The following MAU2 variants were observed in gnomAD, a reference collection of about 807,000 sequenced individuals.
MAU2 encodes the protein MAU2 sister chromatid cohesion factor.
In MAU2, 9 loss-of-function variants were observed where a neutral mutation model predicts 89.1. That is an observed-to-expected ratio of 0.10 (90% CI 0.06 to 0.18). The LOEUF is 0.18. Among genes scored for constraint, MAU2 ranks in the 10% least tolerant of loss-of-function variants. MAU2 has a pLI of 1.00. For missense variants in MAU2, 425 were observed against 803.5 expected (o/e 0.53, Z 5.69); for synonymous variants, 357 against 343.4 (o/e 1.04, Z -0.44).
intron 1 of MAU2, among the ~76,000 whole-genome samples, chr19:19,329,697 G>T (rs2061539195): frequency 6.6e-6 from 1 of 152,068 alleles, no homozygotes; most frequent in South Asian, 2.1e-4. Flanking sequence ...TTTTGAGCCA[G>T]GCATGGTGGC....
chr19:19,342,718 C>G, intron 8 of MAU2, 37 bp downstream of exon 8: 1 of 1,612,722 alleles, frequency 6.2e-7, no homozygotes, highest in Non-Finnish European at 8.5e-7. Flanking sequence ...GGGCTGGGGG[C>G]GGGGGCAGGG....
intron 1 of MAU2, chr19:19,334,437 C>G (rs556403695): frequency 2.0e-6 from 2 of 985,724 alleles, no homozygotes; most frequent in South Asian, 9.4e-5. Context: ...CTGTGCTTTC[C>G]CAGTGCCTGT....
In MAU2 at chr19:19,355,941, G is replaced by A. The variant is rs2048173427; in HGVS notation, c.*159G>A. The A allele has an allele frequency of 1.3e-6, 1 of 764,114 alleles. No homozygotes were observed. The highest frequency in any genetic ancestry group is 1.7e-5 in the African/African-American group (1 of 58,386). 47.3% of individuals were successfully genotyped at this position (764,114 alleles called of 1,614,324 possible). ...GGGCCAGTCCCTGCCCTCCCAGGAG[G>A]GGTGGTAGCCGTTCCCACCTCGCAG... On this transcript the variant is annotated 3_prime_UTR_variant, in exon 19 of 19. Transcript: ENST00000262815.
chr19:19,324,087 C>T (rs1057088855), intron 1 of MAU2, among the ~76,000 whole-genome samples: 1 of 152,144 alleles, frequency 6.6e-6, no homozygotes, highest in Non-Finnish European at 1.5e-5. Flanking sequence ...CCACGTAAGC[C>T]TAGGTTTTCA....
chr19:19,346,141 C>T (rs2061691341), intron 12 of MAU2, among the ~76,000 whole-genome samples: 1 of 152,158 alleles, frequency 6.6e-6, no homozygotes, highest in Non-Finnish European at 1.5e-5. Flanking sequence ...GCTGCCACCC[C>T]CGCCACTGGC....
intron 1 of MAU2, among the ~76,000 whole-genome samples, chr19:19,327,299 TTGTA>T (rs1288349928): frequency 7.2e-6 from 1 of 137,970 alleles, no homozygotes; most frequent in Non-Finnish European, 1.5e-5. Flanking sequence ...TTTTTTCTAC[TTGTA>T]TTTATTTATT....
intron 5 of MAU2, among the ~76,000 whole-genome samples, chr19:19,340,190 A>T (rs1192651002): frequency 7.2e-6 from 1 of 138,196 alleles, no homozygotes; most frequent in Non-Finnish European, 1.6e-5. Flanking sequence ...AAAATTAACC[A>T]GGCATGGTGC....
In MAU2 at chr19:19,355,807, C is replaced by G; in HGVS notation, c.*25C>G. 1 of 1,597,200 alleles carries G rather than the reference C, an allele frequency of 6.3e-7. No individual in the cohort carries two copies. The highest frequency in any genetic ancestry group is 1.3e-5 in the African/African-American group (1 of 74,952). The stretch of plus-strand genomic sequence containing the variant: ...AGGCCTTGATGGGGCCATCCAGCTC[C>G]GCAGGGCCTGCGCGTCTCCGGCTTC... On this transcript the variant is annotated 3_prime_UTR_variant, in exon 19 of 19. Transcript: ENST00000262815.
chr19:19,333,350 G>T (rs1018555569), intron 1 of MAU2, among the ~76,000 whole-genome samples: 3 of 152,218 alleles, frequency 2.0e-5, no homozygotes, highest in African/African-American at 4.8e-5. Context: ...GCCAGACGTG[G>T]TGGTTCGCAC....
intron 1 of MAU2, chr19:19,321,407 T>C (rs1233794944): frequency 2.4e-5 from 10 of 422,174 alleles, no homozygotes; most frequent in East Asian, 8.6e-5. Context: ...TTGCCTGTTA[T>C]TGGGAGCAAC....
At chr19:19,330,243 G>A (rs2146663041) in intron 1 of MAU2, among the ~76,000 whole-genome samples, 1 of 151,188 alleles carries the variant, frequency 6.6e-6, no homozygotes, top group South Asian at 2.1e-4. Flanking sequence ...GCCTCCCAAA[G>A]TGCCAGGATT....
chr19:19,328,151 C>A (rs1749508419), intron 1 of MAU2, among the ~76,000 whole-genome samples: 1 of 149,156 alleles, frequency 6.7e-6, no homozygotes. Flanking sequence ...CAGAGAGAGA[C>A]CCTGTCTCAA....
rs911513541 is a variant in MAU2 at position 19,358,098 on chromosome 19, A to T, written c.*2316A>T. ...TTGTCTCAAAAAAAAAAAAAAAAAC[A>T]ATGGAAGGCAGACAGCAAGTCCCTG... On this transcript the variant is annotated 3_prime_UTR_variant, in exon 19 of 19. Coordinates refer to ENST00000262815, the MANE Select transcript of MAU2 (RefSeq NM_015329.4). 1.3e-5 allele frequency: 2 copies of T among 151,366 alleles called. No individual in the cohort carries two copies. Among genetic ancestry groups the T allele is most frequent in the Non-Finnish European group, 2.9e-5 (2 of 67,848 alleles). The allele number at this position is 151,366 out of a possible 1,614,324, so 9.4% of individuals were successfully genotyped here. A position where few individuals can be genotyped will look rare whatever the true frequency, so the allele number is the denominator to read the frequency against.
rs181561860 is a variant in MAU2 at position 19,344,071 on chromosome 19, C to T, written c.1077+131C>T. The stretch of plus-strand genomic sequence containing the variant: ...ATCCTGCTGTCTCGCTGTCGGCCAG[C>T]GTTTTACAGCCCTGCATGGGCACCA... On this transcript the variant is annotated intron_variant, in intron 10 of 18. Transcript: ENST00000262815. 614 of 707,444 alleles carry T rather than the reference C, an allele frequency of 8.7e-4. 3 individuals carry two copies. Among genetic ancestry groups the T allele is most frequent in the Non-Finnish European group, 1.4e-3 (563 of 408,506 alleles). The allele number at this position is 707,444 out of a possible 1,614,324, so 43.8% of individuals were successfully genotyped here. A position where few individuals can be genotyped will look rare whatever the true frequency, so the allele number is the denominator to read the frequency against.
intron 17 of MAU2, 48 bp downstream of exon 17, chr19:19,354,493 C>T (rs1474328869): frequency 6.5e-7 from 1 of 1,530,358 alleles, no homozygotes; most frequent in East Asian, 2.3e-5. Context: ...CTGGCCCTCC[C>T]CAGAGATCAA....
At chr19:19,342,133 G>A (rs559202754) in intron 7 of MAU2, among the ~76,000 whole-genome samples, 1 of 152,270 alleles carries the variant, frequency 6.6e-6, no homozygotes, top group South Asian at 2.1e-4. Flanking sequence ...CGGGGCCTCA[G>A]GGCGAGATGG....
intron 12 of MAU2, 65 bp from the exon 13 acceptor site, chr19:19,347,215 C>T (rs2061700124): frequency 1.0e-6 from 1 of 973,700 alleles, no homozygotes. Flanking sequence ...TGTGGGTGCT[C>T]TGACACTGCC....
rs906353010 is a variant in MAU2, at chr19:19,355,942, G to A, written c.*160G>A. 1 of 755,284 alleles carries A rather than the reference G, an allele frequency of 1.3e-6. No homozygotes were observed. The highest frequency in any genetic ancestry group is 1.7e-5 in the African/African-American group (1 of 58,314). The allele number at this position is 755,284 out of a possible 1,614,324, so 46.8% of individuals were successfully genotyped here. ...GGCCAGTCCCTGCCCTCCCAGGAGG[G>A]GTGGTAGCCGTTCCCACCTCGCAGC... On this transcript the variant is annotated 3_prime_UTR_variant, in exon 19 of 19. Transcript: ENST00000262815.
intron 1 of MAU2, among the ~76,000 whole-genome samples, chr19:19,329,874 T>C (rs1337675059): frequency 3.3e-5 from 5 of 152,040 alleles, no homozygotes; most frequent in Admixed American, 3.3e-4. Flanking sequence ...GAGGAGTGCT[T>C]GAGCCTGAGA....
Sources: allele counts gnomAD v4.1 joint callset (sites outside exome capture counted in the v4.1 genomes callset), GRCh38; gene constraint gnomAD v4.1.1; transcripts MANE v1.5; gene names NCBI Gene and HGNC (gene_info 2026-07-23, HGNC 2026-07-21).